Variants in PCDHGA5 observed in about 807,000 individuals in gnomAD.
The protein encoded by PCDHGA5 is protocadherin gamma subfamily A, 5, also known as protocadherin gamma-A5.
Under a neutral mutation model 56.7 loss-of-function variants are expected in PCDHGA5, and 36 were observed. The observed-to-expected ratio is 0.64, with a 90% CI of 0.49 to 0.84. The LOEUF (loss-of-function observed/expected upper bound fraction) is 0.84. Among genes scored for constraint, PCDHGA5 ranks in the 40% least tolerant of loss-of-function variants. PCDHGA5 has a pLI of 0.00. For missense variants in PCDHGA5, 1,305 were observed against 1,201.5 expected, an observed-to-expected ratio of 1.09 and a Z score of -1.27; for synonymous variants, 563 against 520.2, an observed-to-expected ratio of 1.08 and a Z score of -1.12.
At chr5:141,510,304 A>G (rs1030803209) in intron 3 of PCDHGA5, among the ~76,000 whole-genome samples, 1 of 151,732 alleles carries the variant, frequency 6.6e-6, no homozygotes, top group Non-Finnish European at 1.5e-5. Context: ...CTGTTTTGAA[A>G]TGGAGGCTTG....
At chr5:141,398,367 G>C (rs1480641333) in intron 1 of PCDHGA5, 1 of 1,430,476 alleles carries the variant, frequency 7.0e-7, no homozygotes, top group Non-Finnish European at 9.7e-7. Context: ...TGAGCGCAGA[G>C]AGCGGGGAGT....
chr5:141,403,809 A>C (rs1242181843), intron 1 of PCDHGA5: 1 of 1,613,904 alleles, frequency 6.2e-7, no homozygotes, highest in South Asian at 1.1e-5. Flanking sequence ...AAAATTAATG[A>C]AAAACAATCT....
chr5:141,364,591 G>T lies in PCDHGA5; in HGVS notation c.261G>T (p.Ala87=), dbSNP rs754833725. The T allele has an allele frequency of 1.9e-6, 3 of 1,614,194 alleles. No individual in the cohort carries two copies. The highest frequency in any genetic ancestry group is 1.1e-5 in the South Asian group (1 of 91,086). The part of the protein sequence containing the change: ...LNPRSGSLVT[A]GRIDREELCA... ...CGCGAAGCGGCAGCTTGGTCACCGC[G>T]GGCAGGATAGACCGGGAGGAGCTCT... The change falls in exon 1 of 4, where the codon GCG becomes GCT. Residue 87 remains alanine (A), a synonymous_variant. Transcript: ENST00000518069.
chr5:141,375,941 G>T, intron 1 of PCDHGA5: 1 of 1,613,580 alleles, frequency 6.2e-7, no homozygotes, highest in South Asian at 1.1e-5. Flanking sequence ...TTTCTCAGTG[G>T]GCCTGCACAC....
rs747132868 is a variant in PCDHGA5 at position 141,431,424 on chromosome 5, G to C, written c.2422-63383G>C. ...GCCTCCGACGGGGGCGACCCGGTGC[G>C]CACAGGCACCGCGCGCATCCGCGTG... On this transcript the variant is annotated intron_variant, in intron 1 of 3. Coordinates refer to ENST00000518069, the MANE Select transcript of PCDHGA5 (RefSeq NM_018918.3). This position sits in a 1 kb window ranked among gnomAD's most constrained non-coding sequence, Gnocchi z 4.8. The C allele has an allele frequency of 6.2e-7, 1 of 1,613,558 alleles. No individual in the cohort carries two copies. The highest frequency in any genetic ancestry group is 1.1e-5 in the South Asian group (1 of 91,082).
At chr5:141,419,184 T>A in intron 1 of PCDHGA5, 1 of 1,613,938 alleles carries the variant, frequency 6.2e-7, no homozygotes, top group Non-Finnish European at 8.5e-7. Context: ...ACCCTGCACA[T>A]TACTGACGTC....
Position 141,431,442 on chromosome 5 carries a change from T to G in PCDHGA5, c.2422-63365T>G. 6.2e-7 allele frequency: 1 copy of G among 1,613,746 alleles called. No individual in the cohort carries two copies. The highest frequency in any genetic ancestry group is 1.7e-5 in the Admixed American group (1 of 60,014). The stretch of plus-strand genomic sequence containing the variant: ...CCGGTGCGCACAGGCACCGCGCGCA[T>G]CCGCGTGATGGTTCTGGATGCGAAC... On this transcript the variant is annotated intron_variant, in intron 1 of 3. Coordinates refer to ENST00000518069, the MANE Select transcript of PCDHGA5 (RefSeq NM_018918.3). This position sits in a 1 kb window ranked among gnomAD's most constrained non-coding sequence, Gnocchi z 4.8.
intron 1 of PCDHGA5, among the ~76,000 whole-genome samples, chr5:141,488,115 G>A (rs936010936): frequency 1.4e-4 from 21 of 152,298 alleles, no homozygotes; most frequent in Middle Eastern, 3.4e-3. Flanking sequence ...TTGAAACATA[G>A]AGACAGCAGA....
At chr5:141,494,972 C>A in intron 2 of PCDHGA5, 107 bp downstream of exon 2, 1 of 1,581,852 alleles carries the variant, frequency 6.3e-7, no homozygotes, top group South Asian at 1.1e-5. Flanking sequence ...TGGCTTCTCC[C>A]TCAGTTTGAG....
At chr5:141,408,164 A>C (rs2095051548) in intron 1 of PCDHGA5, 1 of 1,520,458 alleles carries the variant, frequency 6.6e-7, no homozygotes, top group African/African-American at 1.4e-5. Context: ...ACTTTCTCCA[A>C]CTGGAAAAGC....
In PCDHGA5 at chr5:141,394,482, G is replaced by T. The variant is rs751618237; in HGVS notation, c.2421+27731G>T. On this transcript the variant is annotated intron_variant, in intron 1 of 3. Coordinates refer to ENST00000518069, the MANE Select transcript of PCDHGA5 (RefSeq NM_018918.3). ...GAGCCTGTTCGTGCTGGACCAGAAT[G>T]ACAACGCGCCCGAGATCCTGTACCC... 8 of 1,614,122 alleles carry T rather than the reference G, an allele frequency of 5.0e-6. No homozygotes were observed. The African/African-American group carries it at 1.1e-4, about 22-fold the overall frequency.
At chr5:141,403,552 G>T (rs1228068556) in intron 1 of PCDHGA5, 5 of 1,613,892 alleles carry the variant, frequency 3.1e-6, no homozygotes, top group Non-Finnish European at 4.2e-6. Context: ...AGCGCGCCCT[G>T]GACAGGGAGG....
chr5:141,393,799 G>C lies in PCDHGA5; in HGVS notation c.2421+27048G>C, dbSNP rs2092846945. ...GCCGAAGATGTGGGGGCACTTCTGG[G>C]GAGGACCAAATTGCTCATTTCGGTG... On this transcript the variant is annotated intron_variant, in intron 1 of 3. Transcript: ENST00000518069. 2.5e-6 allele frequency: 4 copies of C among 1,613,802 alleles called. No homozygotes were observed. The highest frequency in any genetic ancestry group is 2.5e-6 in the Non-Finnish European group (3 of 1,179,888).
chr5:141,385,078 G>A, intron 1 of PCDHGA5: 1 of 1,614,222 alleles, frequency 6.2e-7, no homozygotes, highest in Non-Finnish European at 8.5e-7. Context: ...CCTGCTGCAG[G>A]CTTCAGAAGG....
intron 1 of PCDHGA5, chr5:141,405,052 C>G (rs182635391): frequency 4.3e-6 from 7 of 1,613,836 alleles, no homozygotes; most frequent in Non-Finnish European, 5.9e-6. Context: ...TGGCAGTCGT[C>G]TCCTGTGTCT....
chr5:141,399,421 A>G lies in PCDHGA5; in HGVS notation c.2421+32670A>G, dbSNP rs1444290267. On this transcript the variant is annotated intron_variant, in intron 1 of 3. Coordinates refer to ENST00000518069, the MANE Select transcript of PCDHGA5 (RefSeq NM_018918.3). ...GGGCAAGCCGCCCCTCTCCTCCAGCATAAGCGTCATCCTACATATCAGAGA... is the reference window on the plus strand; with the variant it reads ...GGGCAAGCCGCCCCTCTCCTCCAGCGTAAGCGTCATCCTACATATCAGAGA... 1.2e-6 allele frequency: 2 copies of G among 1,614,036 alleles called. No homozygotes were observed. Among genetic ancestry groups the G allele is most frequent in the Middle Eastern group, 1.6e-4 (1 of 6,062 alleles).
intron 1 of PCDHGA5, chr5:141,382,981 GC>G (rs1247248869): frequency 6.2e-7 from 1 of 1,612,206 alleles, no homozygotes; most frequent in African/African-American, 1.3e-5. Flanking sequence ...GGAAGCCTGG[GC>G]AGGACGTATT....
intron 1 of PCDHGA5, chr5:141,420,985 C>T (rs1371634966): frequency 4.1e-6 from 2 of 487,950 alleles, no homozygotes; most frequent in African/African-American, 4.0e-5. Flanking sequence ...GGGCTCTAGG[C>T]GCCGCTGCTC....
rs376057952 is a variant in PCDHGA5 at position 141,417,907 on chromosome 5, A to G, written c.2421+51156A>G. On this transcript the variant is annotated intron_variant, in intron 1 of 3. Transcript: ENST00000518069. Reference sequence around the variant, plus strand: ...GGCGCCGGGCCGGCCCGCGGCAGGTACTATTTCCTTTGCTGCTGCCTTTGT... The same window carrying G: ...GGCGCCGGGCCGGCCCGCGGCAGGTGCTATTTCCTTTGCTGCTGCCTTTGT... The G allele has an allele frequency of 3.6e-4, 571 of 1,596,132 alleles. 2 individuals are homozygous for G. In the African/African-American group the frequency reaches 5.1e-3, roughly 14 times the overall value.
Sources: allele counts gnomAD v4.1 joint callset (sites outside exome capture counted in the v4.1 genomes callset), GRCh38; gene constraint gnomAD v4.1.1; non-coding constraint Gnocchi (gnomAD v3.1); transcripts MANE v1.5; gene names NCBI Gene and HGNC (gene_info 2026-07-23, HGNC 2026-07-21).